The following NBAS variants were observed in gnomAD, a reference collection of about 807,000 sequenced individuals.
The protein encoded by NBAS is NBAS subunit of NRZ tethering complex.
Under a neutral mutation model 302.5 loss-of-function variants are expected in NBAS, and 219 were observed. That is an observed-to-expected ratio of 0.72 (90% CI 0.65 to 0.81). The LOEUF is 0.81. NBAS is among the 30% of genes least tolerant of loss of function. The pLI, the probability that NBAS is intolerant of heterozygous loss-of-function variation, is 0.00. For synonymous variants in NBAS, 1,118 were observed against 1,021.6 expected (o/e 1.09, Z -1.80); for missense variants, 2,932 against 2,841.6 (o/e 1.03, Z -0.72).
chr2:14,933,092 T>A, the NBAS span, among the ~76,000 whole-genome samples: 1 of 152,182 alleles, frequency 6.6e-6, no homozygotes, highest in Admixed American at 6.5e-5. Context: ...TCTAGTATAA[T>A]CCTCTCATTT....
At chr2:14,991,484 T>G in the NBAS span, among the ~76,000 whole-genome samples, 1 of 152,190 alleles carries the variant, frequency 6.6e-6, no homozygotes, top group Non-Finnish European at 1.5e-5. Context: ...GCCTTTATTT[T>G]GAAGGTTGTA....
chr2:15,457,429 A>T lies in NBAS; in HGVS notation c.2339+3772T>A, dbSNP rs188515733. 2.6e-5 allele frequency among the ~76,000 whole-genome samples: 4 copies of T among 152,334 alleles called. No homozygotes were observed. In the East Asian group the frequency reaches 7.7e-4, roughly 29 times the overall value. On this transcript the variant is annotated intron_variant, in intron 21 of 51. Coordinates refer to ENST00000281513, the MANE Select transcript of NBAS (RefSeq NM_015909.4). ...AACGGCCATCCAAGGCAGTGAGGGG[A>T]TGTCAAGGTCATTTTGTTAGTTTTC...
the NBAS span, among the ~76,000 whole-genome samples, chr2:15,126,254 A>G: frequency 6.6e-6 from 1 of 152,166 alleles, no homozygotes; most frequent in Non-Finnish European, 1.5e-5. Context: ...CATGATTATA[A>G]GCTTCCTGAG....
At chr2:15,458,481 T>C (rs1679349336) in intron 21 of NBAS, among the ~76,000 whole-genome samples, 1 of 152,136 alleles carries the variant, frequency 6.6e-6, no homozygotes, top group Admixed American at 6.5e-5. Context: ...CTCAGTTAGT[T>C]CCAGTTGTTT....
At chr2:15,542,771 A>G (rs1391733277) in intron 6 of NBAS, among the ~76,000 whole-genome samples, 1 of 152,236 alleles carries the variant, frequency 6.6e-6, no homozygotes, top group African/African-American at 2.4e-5. Context: ...TTTTCCCCTG[A>G]AAATATTTAT....
chr2:15,535,390 C>T (rs1663439029), intron 8 of NBAS, among the ~76,000 whole-genome samples: 2 of 151,916 alleles, frequency 1.3e-5, no homozygotes, highest in Admixed American at 6.6e-5. Context: ...GGTTTGGTGG[C>T]GGGCACCTGC....
intron 40 of NBAS, among the ~76,000 whole-genome samples, chr2:15,297,951 C>T (rs1234421916): frequency 1.3e-5 from 2 of 152,112 alleles, no homozygotes; most frequent in African/African-American, 2.4e-5. Flanking sequence ...GCTTTTTCTT[C>T]TCTAATGATA....
At chr2:14,863,131 C>T in the NBAS span, among the ~76,000 whole-genome samples, 1 of 152,192 alleles carries the variant, frequency 6.6e-6, no homozygotes, top group Non-Finnish European at 1.5e-5. Flanking sequence ...ATCTGCTCTG[C>T]AGAAGAGCAT....
chr2:15,178,078 C>T (rs970979232), intron 51 of NBAS: 7 of 456,450 alleles, frequency 1.5e-5, no homozygotes, highest in African/African-American at 1.2e-4. Flanking sequence ...GTCTTTTCAT[C>T]AACCTCTTCA....
At chr2:15,103,305 T>C in the NBAS span, among the ~76,000 whole-genome samples, 2 of 152,126 alleles carry the variant, frequency 1.3e-5, no homozygotes, top group East Asian at 3.9e-4. Context: ...CACCTAAAAG[T>C]GAAAGTCACA....
At chr2:15,418,721 G>A (rs1266956898) in intron 23 of NBAS, among the ~76,000 whole-genome samples, 2 of 152,166 alleles carry the variant, frequency 1.3e-5, no homozygotes, top group Non-Finnish European at 2.9e-5. Context: ...GGGAAGGAGA[G>A]CAGCATGGAA....
At chr2:15,282,474 A>C (rs1251694445) in intron 42 of NBAS, among the ~76,000 whole-genome samples, 3 of 152,168 alleles carry the variant, frequency 2.0e-5, no homozygotes, top group Non-Finnish European at 4.4e-5. Flanking sequence ...CCATTCTTGC[A>C]TCTGGGACCA....
the NBAS span, among the ~76,000 whole-genome samples, chr2:14,906,299 T>C: frequency 7.2e-5 from 11 of 152,226 alleles, no homozygotes; most frequent in Non-Finnish European, 1.2e-4. Context: ...AGGTGCTTAT[T>C]ATCTCTATTT....
the NBAS span, among the ~76,000 whole-genome samples, chr2:15,046,243 A>C: frequency 2.0e-5 from 3 of 152,216 alleles, no homozygotes; most frequent in Non-Finnish European, 4.4e-5. Flanking sequence ...AGCTGGATTC[A>C]GTATGTTTTC....
the NBAS span, among the ~76,000 whole-genome samples, chr2:14,803,040 A>G: frequency 2.0e-5 from 3 of 151,524 alleles, no homozygotes; most frequent in Non-Finnish European, 4.4e-5. Flanking sequence ...AAAGTATAAT[A>G]AAAAAAATAA....
At chr2:15,157,090 A>G in the NBAS span, among the ~76,000 whole-genome samples, 1 of 152,162 alleles carries the variant, frequency 6.6e-6, no homozygotes, top group Non-Finnish European at 1.5e-5. Flanking sequence ...AATGGATCCC[A>G]TAGTTAAGAA....
At chr2:14,866,389 A>C in the NBAS span, among the ~76,000 whole-genome samples, 6 of 152,162 alleles carry the variant, frequency 3.9e-5, no homozygotes, top group Non-Finnish European at 7.4e-5. Context: ...TCTCAATTGC[A>C]TTGGTACCAA....
At chr2:15,285,900 C>T (rs969584609) in intron 42 of NBAS, among the ~76,000 whole-genome samples, 7 of 152,138 alleles carry the variant, frequency 4.6e-5, no homozygotes, top group Non-Finnish European at 8.8e-5. Context: ...AGTGATCTAC[C>T]TATCACAGCG....
the NBAS span, among the ~76,000 whole-genome samples, chr2:15,041,642 T>C: frequency 6.6e-6 from 1 of 152,206 alleles, no homozygotes. Context: ...CTGGGAATTA[T>C]CTCAGGACAG....
Sources: allele counts gnomAD v4.1 joint callset (sites outside exome capture counted in the v4.1 genomes callset), GRCh38; gene constraint gnomAD v4.1.1; transcripts MANE v1.5; gene names NCBI Gene and HGNC (gene_info 2026-07-23, HGNC 2026-07-21).